The following ARHGAP15 variants were observed in gnomAD, a reference collection of about 807,000 sequenced individuals.
The protein encoded by ARHGAP15 is rho GTPase-activating protein 15.
A neutral mutation model predicts 63.7 loss-of-function variants in ARHGAP15; 51 were observed. The ratio of observed to expected loss-of-function variants is 0.80; its 90% CI spans 0.64 to 1.01. The LOEUF (loss-of-function observed/expected upper bound fraction) is 1.01, where lower values mean the gene tolerates loss of function less well. ARHGAP15 is among the 50% of genes least tolerant of loss of function. The probability of loss-of-function intolerance (pLI) is 0.00; values close to 1 mark genes in which losing one functional copy is unlikely to be tolerated. For missense variants in ARHGAP15, 560 were observed against 564.6 expected, an observed-to-expected ratio of 0.99 and a Z score of 0.08; for synonymous variants, 191 against 193.8, an observed-to-expected ratio of 0.99 and a Z score of 0.12.
intron 2 of ARHGAP15, among the ~76,000 whole-genome samples, chr2:143,185,930 C>T (rs1691430183): frequency 6.6e-6 from 1 of 152,174 alleles, no homozygotes; most frequent in Non-Finnish European, 1.5e-5. Context: ...GAGCTCCCTA[C>T]AACGTATCTT....
chr2:143,743,551 T>A (rs1006514427), intron 13 of ARHGAP15, among the ~76,000 whole-genome samples: 1 of 152,216 alleles, frequency 6.6e-6, no homozygotes, highest in Admixed American at 6.5e-5. Flanking sequence ...TTTCTTGCGA[T>A]CTCTGTACTG....
chr2:143,355,650 T>C (rs1434574804), intron 6 of ARHGAP15, among the ~76,000 whole-genome samples: 1 of 152,164 alleles, frequency 6.6e-6, no homozygotes, highest in Non-Finnish European at 1.5e-5. Flanking sequence ...ATTTTATCCA[T>C]CTAGTAAAGT....
At chr2:143,681,674 C>T (rs910361971) in intron 12 of ARHGAP15, among the ~76,000 whole-genome samples, 7 of 152,098 alleles carry the variant, frequency 4.6e-5, no homozygotes, top group African/African-American at 1.4e-4. Context: ...CCGTATGTTC[C>T]TATTTTTGTT....
At position 143,179,219 on chromosome 2, in the gene ARHGAP15, T is replaced by TAAAC. The variant is rs752728892; in HGVS notation, c.166-22903_166-22900dup. Reference sequence around the variant, plus strand: ...TGTCAAATGTTTGATATCTCAAAGCTAAACAAACAAACAAAATCTAGGAAG... The same window carrying TAAAC: ...TGTCAAATGTTTGATATCTCAAAGCTAAACAAACAAACAAACAAAATCTAGGAAG... On this transcript the variant is annotated intron_variant, in intron 2 of 13. Transcript: ENST00000295095. Among the ~76,000 whole-genome samples the TAAAC allele has an allele frequency of 2.4e-4, 36 of 152,340 alleles. No homozygotes were observed. In the South Asian group the frequency reaches 3.1e-3, roughly 13 times the overall value.
rs530741198 is a variant in ARHGAP15 at position 143,299,508 on chromosome 2, C to T, written c.474+48908C>T. ...ATGTTACAGAGTGGCCCTCAATAATCGTTGAGATATGAGAGATTATTGAAT... is the reference window on the plus strand; with the variant it reads ...ATGTTACAGAGTGGCCCTCAATAATTGTTGAGATATGAGAGATTATTGAAT... On this transcript the variant is annotated intron_variant, in intron 6 of 13. Coordinates refer to ENST00000295095, the MANE Select transcript of ARHGAP15 (RefSeq NM_018460.4). Among the ~76,000 whole-genome samples, 6 of 152,030 alleles carry T rather than the reference C, an allele frequency of 3.9e-5. No homozygotes were observed. The South Asian group carries it at 8.3e-4, about 21-fold the overall frequency.
At chr2:143,345,537 A>G (rs754983627) in intron 6 of ARHGAP15, among the ~76,000 whole-genome samples, 2 of 151,750 alleles carry the variant, frequency 1.3e-5, no homozygotes, top group African/African-American at 2.4e-5. Flanking sequence ...ATAAACTCAG[A>G]GATAAATTAC....
intron 6 of ARHGAP15, chr2:143,435,241 A>G: frequency 1.0e-6 from 1 of 994,728 alleles, no homozygotes; most frequent in Non-Finnish European, 1.2e-6. Flanking sequence ...AAACGTGCAG[A>G]ATGAATTCTG....
At chr2:143,346,900 C>T (rs893160823) in intron 6 of ARHGAP15, among the ~76,000 whole-genome samples, 8 of 152,004 alleles carry the variant, frequency 5.3e-5, no homozygotes, top group Admixed American at 3.3e-4. Flanking sequence ...CTTACATGGT[C>T]CACAGGGAGA....
intron 6 of ARHGAP15, among the ~76,000 whole-genome samples, chr2:143,424,847 T>A (rs1467040085): frequency 6.6e-6 from 1 of 152,138 alleles, no homozygotes; most frequent in Non-Finnish European, 1.5e-5. Flanking sequence ...GCTAACTTTT[T>A]TGTATACCTC....
At chr2:143,452,027 A>G (rs1179067842) in intron 8 of ARHGAP15, among the ~76,000 whole-genome samples, 1 of 151,994 alleles carries the variant, frequency 6.6e-6, no homozygotes, top group Admixed American at 6.6e-5. Flanking sequence ...AGATGCAACA[A>G]TTACAACTTT....
chr2:143,642,435 GT>G (rs1680649291), intron 12 of ARHGAP15, among the ~76,000 whole-genome samples: 1 of 151,950 alleles, frequency 6.6e-6, no homozygotes, highest in South Asian at 2.1e-4. Context: ...TTTCCAAAAT[GT>G]TTTCTAAAAA....
At chr2:143,390,835 G>C (rs1369738136) in intron 6 of ARHGAP15, among the ~76,000 whole-genome samples, 1 of 152,098 alleles carries the variant, frequency 6.6e-6, no homozygotes, top group East Asian at 1.9e-4. Flanking sequence ...GTACTCCGGG[G>C]AAAATTTGCC....
At chr2:143,597,730 A>C (rs544709071) in intron 11 of ARHGAP15, among the ~76,000 whole-genome samples, 9 of 152,196 alleles carry the variant, frequency 5.9e-5, no homozygotes, top group Non-Finnish European at 1.2e-4. Context: ...GTAGTAAAAC[A>C]AAAACAATTT....
intron 1 of ARHGAP15, among the ~76,000 whole-genome samples, chr2:143,150,697 T>C (rs1689780257): frequency 6.6e-6 from 1 of 152,006 alleles, no homozygotes; most frequent in East Asian, 1.9e-4. Flanking sequence ...GAGCCAGTTC[T>C]TCAATATTTT....
At chr2:143,333,364 T>A (rs748083385) in intron 6 of ARHGAP15, among the ~76,000 whole-genome samples, 4 of 152,234 alleles carry the variant, frequency 2.6e-5, no homozygotes, top group Admixed American at 6.5e-5. Context: ...CATGCAGCTC[T>A]TGGCATGCCA....
rs946726058 is a variant in ARHGAP15 at position 143,268,031 on chromosome 2, C to A, written c.474+17431C>A. Among the ~76,000 whole-genome samples, 3 of 152,044 alleles carry A rather than the reference C, an allele frequency of 2.0e-5. No individual in the cohort carries two copies. The East Asian group carries it at 5.8e-4, about 29-fold the overall frequency. On this transcript the variant is annotated intron_variant, in intron 6 of 13. Coordinates refer to ENST00000295095, the MANE Select transcript of ARHGAP15 (RefSeq NM_018460.4). ...CTGTATTTTCAGAATGAGGCATAAA[C>A]CTCATTTTTAATGCTCTAGATTTGT...
In ARHGAP15 at chr2:143,321,249, C is replaced by T. The variant is rs1036851555; in HGVS notation, c.474+70649C>T. Among the ~76,000 whole-genome samples the T allele has an allele frequency of 2.0e-5, 3 of 152,314 alleles. No individual in the cohort carries two copies. In the South Asian group the frequency reaches 6.2e-4, roughly 32 times the overall value. On this transcript the variant is annotated intron_variant, in intron 6 of 13. Transcript: ENST00000295095. The stretch of plus-strand genomic sequence containing the variant: ...AAAACATATAAACACATGGTAACTG[C>T]CCCAGTCCAATGTTAGGTCATGGAA...
At chr2:143,598,296 C>T (rs770410507) in intron 11 of ARHGAP15, among the ~76,000 whole-genome samples, 15 of 152,202 alleles carry the variant, frequency 9.9e-5, no homozygotes, top group Non-Finnish European at 1.6e-4. Flanking sequence ...AGTCTAGATA[C>T]GGATCAAATC....
chr2:143,609,273 AT>A (rs1698163586), intron 11 of ARHGAP15, among the ~76,000 whole-genome samples: 1 of 152,068 alleles, frequency 6.6e-6, no homozygotes, highest in Non-Finnish European at 1.5e-5. Context: ...CTCTCTAGTT[AT>A]TTTTTTCTAC....
Sources: gnomAD v4.1 joint callset for allele counts (sites outside exome capture counted in the v4.1 genomes callset) on GRCh38, gnomAD v4.1.1 for gene constraint, MANE v1.5 for transcripts, NCBI Gene and HGNC (gene_info 2026-07-23, HGNC 2026-07-21) for gene names.